The following LYPLAL1 variants were observed in gnomAD, a reference collection of about 807,000 sequenced individuals.
The protein encoded by LYPLAL1 is lysophospholipase-like protein 1.
In LYPLAL1, 23 loss-of-function variants were observed where a neutral mutation model predicts 19.7. That is an observed-to-expected ratio of 1.17 (90% CI 0.84 to 1.65). The LOEUF (loss-of-function observed/expected upper bound fraction) is 1.65, where lower values mean the gene tolerates loss of function less well. LYPLAL1 is among the 40% of genes most tolerant of loss of function. LYPLAL1 has a pLI of 0.00. For synonymous variants in LYPLAL1, 119 were observed against 96.3 expected (o/e 1.24, Z -1.38); for missense variants, 355 against 279.4 (o/e 1.27, Z -1.93).
At chr1:219,424,298 A>G in the LYPLAL1 span, among the ~76,000 whole-genome samples, 1 of 152,188 alleles carries the variant, frequency 6.6e-6, no homozygotes, top group African/African-American at 2.4e-5. Context: ...AAAGTCAAAT[A>G]TATTAGGCTC....
chr1:219,327,212 G>C, the LYPLAL1 span, among the ~76,000 whole-genome samples: 2 of 152,164 alleles, frequency 1.3e-5, no homozygotes, highest in African/African-American at 4.8e-5. Flanking sequence ...CAACATCACT[G>C]CTTCTCCTCC....
the LYPLAL1 span, among the ~76,000 whole-genome samples, chr1:219,307,547 A>G: frequency 1.2e-4 from 19 of 152,246 alleles, no homozygotes; most frequent in African/African-American, 4.6e-4. Flanking sequence ...AATAAGCAGC[A>G]TCATTAGAAT....
At chr1:219,426,790 G>A in the LYPLAL1 span, among the ~76,000 whole-genome samples, 130 of 152,286 alleles carry the variant, frequency 8.5e-4, 2 homozygotes, top group South Asian at 0.025. Context: ...GTAGAGACGG[G>A]TTTTTGCCAT....
chr1:219,253,789 G>A, the LYPLAL1 span, among the ~76,000 whole-genome samples: 1 of 151,992 alleles, frequency 6.6e-6, no homozygotes, highest in African/African-American at 2.4e-5. Context: ...AGGTCTATCA[G>A]ATCCATTTGG....
At chr1:219,372,297 C>T in the LYPLAL1 span, among the ~76,000 whole-genome samples, 1 of 152,114 alleles carries the variant, frequency 6.6e-6, no homozygotes, top group Non-Finnish European at 1.5e-5. Context: ...AAAACACTTC[C>T]CTTCTTATGC....
the LYPLAL1 span, among the ~76,000 whole-genome samples, chr1:219,220,977 G>A: frequency 6.6e-6 from 1 of 152,170 alleles, no homozygotes; most frequent in African/African-American, 2.4e-5. Flanking sequence ...CAGGGCAGAT[G>A]TGATTAATGT....
chr1:219,229,628 C>T, the LYPLAL1 span, among the ~76,000 whole-genome samples: 1 of 152,212 alleles, frequency 6.6e-6, no homozygotes, highest in African/African-American at 2.4e-5. Context: ...GATGGCAAAA[C>T]TAAAAGAGCA....
At position 219,173,951 on chromosome 1, in the gene LYPLAL1, A is replaced by G; in HGVS notation, c.61A>G (p.Ser21Gly). 1.2e-6 allele frequency: 2 copies of G among 1,614,022 alleles called. No homozygotes were observed. Among genetic ancestry groups the G allele is most frequent in the South Asian group, 1.1e-5 (1 of 91,084 alleles). The change falls in exon 1 of 5, where the codon AGC (serine) becomes GGC (glycine). Residue 21 changes from serine to glycine, a missense_variant. Transcript: ENST00000366928. Reference sequence around the variant, plus strand: ...TATCGTGTCGCCGGCAGGGAGGCATAGCGCCTCTCTGATCTTCCTGCATGG... The same window carrying G: ...TATCGTGTCGCCGGCAGGGAGGCATGGCGCCTCTCTGATCTTCCTGCATGG... ...RCIVSPAGRH[S>G]ASLIFLHGSG... is the part of the protein sequence containing the mutation.
At chr1:219,272,081 G>A in the LYPLAL1 span, 1 of 152,278 alleles carries the variant, frequency 6.6e-6, no homozygotes, top group South Asian at 2.1e-4. Context: ...GGGAGATCCT[G>A]GAAACGAGAT....
At chr1:219,383,090 A>G in the LYPLAL1 span, among the ~76,000 whole-genome samples, 1 of 152,230 alleles carries the variant, frequency 6.6e-6, no homozygotes, top group Non-Finnish European at 1.5e-5. Context: ...CAAAACAACA[A>G]TAGCTGCTCA....
At chr1:219,234,468 C>G in the LYPLAL1 span, among the ~76,000 whole-genome samples, 5 of 151,856 alleles carry the variant, frequency 3.3e-5, no homozygotes, top group African/African-American at 9.7e-5. Flanking sequence ...TCACAGAATA[C>G]TAAGTATAAA....
chr1:219,413,982 A>G, the LYPLAL1 span, among the ~76,000 whole-genome samples: 2 of 152,312 alleles, frequency 1.3e-5, no homozygotes, highest in South Asian at 2.1e-4. Context: ...TAAGTTAAAA[A>G]CCATATATAC....
chr1:219,198,186 C>T (rs1029127756), intron 3 of LYPLAL1, among the ~76,000 whole-genome samples: 2 of 152,024 alleles, frequency 1.3e-5, no homozygotes, highest in African/African-American at 2.4e-5. Flanking sequence ...TTTTCTAATG[C>T]TCCAGGGTAG....
At chr1:219,283,410 G>T in the LYPLAL1 span, among the ~76,000 whole-genome samples, 1 of 152,160 alleles carries the variant, frequency 6.6e-6, no homozygotes, top group Admixed American at 6.5e-5. Flanking sequence ...ATTCACAAAC[G>T]TGGAGCTAAG....
At chr1:219,208,543 G>A (rs1658754435) in intron 3 of LYPLAL1, among the ~76,000 whole-genome samples, 1 of 151,850 alleles carries the variant, frequency 6.6e-6, no homozygotes, top group African/African-American at 2.4e-5. Flanking sequence ...TTACTGCTAT[G>A]TGCAAAGCAC....
chr1:219,267,404 C>G, the LYPLAL1 span, among the ~76,000 whole-genome samples: 264 of 152,320 alleles, frequency 1.7e-3, no homozygotes, highest in East Asian at 1.5e-3. Flanking sequence ...CCTATCTACT[C>G]CAAGTACAGA....
the LYPLAL1 span, among the ~76,000 whole-genome samples, chr1:219,332,833 C>T: frequency 7.1e-3 from 1,030 of 144,704 alleles, 12 homozygotes; most frequent in African/African-American, 0.025. Flanking sequence ...CCCCCCCCCC[C>T]CAAATTAAAC....
At chr1:219,416,344 G>T in the LYPLAL1 span, among the ~76,000 whole-genome samples, 1 of 152,108 alleles carries the variant, frequency 6.6e-6, no homozygotes, top group Non-Finnish European at 1.5e-5. Flanking sequence ...GATTTTTGTA[G>T]AATGTCCCTC....
chr1:219,272,356 G>C, the LYPLAL1 span: 2 of 152,330 alleles, frequency 1.3e-5, no homozygotes, highest in Non-Finnish European at 2.9e-5. Context: ...TGACCCCTAA[G>C]AAGCAGGCTG....
Sources: allele counts gnomAD v4.1 joint callset (sites outside exome capture counted in the v4.1 genomes callset), GRCh38; gene constraint gnomAD v4.1.1; transcripts MANE v1.5; gene names NCBI Gene and HGNC (gene_info 2026-07-23, HGNC 2026-07-21).